COL22A1: variants seen among roughly 807,000 people sequenced by gnomAD.
COL22A1 encodes the protein collagen type XXII alpha 1 chain, also known as collagen alpha-1(XXII) chain.
A neutral mutation model predicts 248.9 loss-of-function variants in COL22A1; 221 were observed. That is an observed-to-expected ratio of 0.89 (90% CI 0.80 to 0.99). The LOEUF (loss-of-function observed/expected upper bound fraction) is 0.99. COL22A1 is among the 50% of genes least tolerant of loss of function. The pLI is 0.00. For missense variants in COL22A1, 2,240 were observed against 2,179.0 expected (o/e 1.03, Z -0.56); for synonymous variants, 891 against 793.4 (o/e 1.12, Z -2.07).
intron 3 of COL22A1, among the ~76,000 whole-genome samples, chr8:138,856,589 A>AGT (rs1239873176): frequency 7.6e-6 from 1 of 131,584 alleles, no homozygotes; most frequent in African/African-American, 3.4e-5. Context: ...AGACAGAGGC[A>AGT]GTGAGAGAGA....
chr8:138,595,798 T>C (rs573624633), intron 62 of COL22A1, among the ~76,000 whole-genome samples: 3 of 152,270 alleles, frequency 2.0e-5, no homozygotes, highest in African/African-American at 4.8e-5. Context: ...ATCATGTGAA[T>C]AAACGTGCCC....
chr8:138,776,060 T>G, intron 15 of COL22A1, 50 bp from the exon 16 acceptor site: 11 of 1,594,148 alleles, frequency 6.9e-6, no homozygotes, highest in South Asian at 1.1e-5. Flanking sequence ...CTGGCTTCTC[T>G]GTGCTCACCG....
intron 3 of COL22A1, among the ~76,000 whole-genome samples, chr8:138,867,067 A>G (rs927484513): frequency 6.6e-6 from 1 of 152,202 alleles, no homozygotes; most frequent in African/African-American, 2.4e-5. Context: ...AAACTCCTGT[A>G]AAGGGCCCGA....
rs371733795 is a variant in COL22A1 at position 138,821,402 on chromosome 8, G to A, written c.979C>T (p.Arg327Trp). 42 of 1,612,184 alleles carry A rather than the reference G, an allele frequency of 2.6e-5. No homozygotes were observed. The highest frequency in any genetic ancestry group is 7.7e-5 in the South Asian group (7 of 91,014). The change falls in exon 7 of 65, where the codon CGG (arginine) becomes TGG (tryptophan). Residue 327 changes from arginine (R) to tryptophan (W), a missense_variant. By Grantham distance (101) the Arg-to-Trp change is moderately radical. Coordinates refer to ENST00000303045, the MANE Select transcript of COL22A1 (RefSeq NM_152888.3). ...DQYSIPQVSI[R>W]LDGENKAVEY... Reference sequence around the variant, plus strand: ...ACTGCCTTGTTTTCACCATCCAGCCGGATGGAGACCTGGGGAGGAAAGGAC... The same window carrying A: ...ACTGCCTTGTTTTCACCATCCAGCCAGATGGAGACCTGGGGAGGAAAGGAC...
At chr8:138,769,221 A>C (rs1834157671) in intron 16 of COL22A1, among the ~76,000 whole-genome samples, 1 of 152,132 alleles carries the variant, frequency 6.6e-6, no homozygotes, top group Admixed American at 6.5e-5. Context: ...TGCTCATGAC[A>C]TGAATGGATG....
At chr8:138,661,916 A>T in intron 43 of COL22A1, 114 bp downstream of exon 43, 1 of 654,750 alleles carries the variant, frequency 1.5e-6, no homozygotes, top group Non-Finnish European at 2.6e-6. Context: ...GAAATCCTCA[A>T]CCGGGCTACA....
intron 49 of COL22A1, among the ~76,000 whole-genome samples, chr8:138,633,267 T>C (rs1820877025): frequency 6.6e-6 from 1 of 152,238 alleles, no homozygotes; most frequent in Non-Finnish European, 1.5e-5. Flanking sequence ...AAATAGAAGC[T>C]CAATAAACAT....
chr8:138,616,927 G>A lies in COL22A1; in HGVS notation c.3857C>T (p.Ala1286Val), dbSNP rs775008648. 7 of 1,614,070 alleles carry A rather than the reference G, an allele frequency of 4.3e-6. No homozygotes were observed. Among genetic ancestry groups the A allele is most frequent in the Middle Eastern group, 1.7e-4 (1 of 6,034 alleles). The change falls in exon 54 of 65, where the codon GCA (alanine) becomes GTA (valine). Residue 1286 changes from alanine to valine, a missense_variant. Transcript: ENST00000303045. Reference sequence around the variant, plus strand: ...GCGCCCACTTACCCGGGGACCGGGTGCACCAGAATCGCCTGTGTGTCCCTT... The same window carrying A: ...GCGCCCACTTACCCGGGGACCGGGTACACCAGAATCGCCTGTGTGTCCCTT... ...GFKGHTGDSG[A>V]PGPRGESGAM...
chr8:138,746,120 A>C (rs1832085071), intron 22 of COL22A1, among the ~76,000 whole-genome samples: 1 of 152,208 alleles, frequency 6.6e-6, no homozygotes, highest in African/African-American at 2.4e-5. Context: ...GCTTTGTCCA[A>C]AATGAATGCA....
rs371157411 is a variant in COL22A1 at position 138,800,841 on chromosome 8, C to T, written c.1557+2031G>A. Among the ~76,000 whole-genome samples, 16 of 152,114 alleles carry T rather than the reference C, an allele frequency of 1.1e-4. 1 individual carries two copies. The East Asian group carries it at 1.4e-3, about 13-fold the overall frequency. On this transcript the variant is annotated intron_variant, in intron 11 of 64. Coordinates refer to ENST00000303045, the MANE Select transcript of COL22A1 (RefSeq NM_152888.3). ...CACGTGTCCTAAAGTGGGTCTTGTCCCAGACATGGAGGAGAGGAATGGACC... is the reference window on the plus strand; with the variant it reads ...CACGTGTCCTAAAGTGGGTCTTGTCTCAGACATGGAGGAGAGGAATGGACC...
chr8:138,781,449 C>G (rs111827303), intron 12 of COL22A1, among the ~76,000 whole-genome samples: 3 of 152,336 alleles, frequency 2.0e-5, no homozygotes, highest in African/African-American at 4.8e-5. Context: ...CCAGCAGCAC[C>G]CTCCAGGGGT....
chr8:138,852,572 T>C (rs1376643694), intron 3 of COL22A1, among the ~76,000 whole-genome samples: 1 of 152,104 alleles, frequency 6.6e-6, no homozygotes, highest in Non-Finnish European at 1.5e-5. Flanking sequence ...GGCTTTCCAT[T>C]TGGAAGTTGC....
intron 27 of COL22A1, among the ~76,000 whole-genome samples, chr8:138,717,415 G>A (rs1264717623): frequency 6.6e-6 from 1 of 152,110 alleles, no homozygotes; most frequent in African/African-American, 2.4e-5. Context: ...CCAAAGTGCT[G>A]GGATTACAGG....
chr8:138,887,820 A>C (rs1252077808), intron 1 of COL22A1, among the ~76,000 whole-genome samples: 1 of 152,182 alleles, frequency 6.6e-6, no homozygotes, highest in Non-Finnish European at 1.5e-5. Context: ...GCTTTCTGAA[A>C]ATATTGTACC....
intron 56 of COL22A1, among the ~76,000 whole-genome samples, chr8:138,611,100 G>T (rs1399637497): frequency 6.6e-6 from 1 of 152,146 alleles, no homozygotes; most frequent in Non-Finnish European, 1.5e-5. Context: ...CCTCTTCTGT[G>T]CCTTTGAATG....
At chr8:138,705,867 G>A (rs1251661268) in intron 30 of COL22A1, among the ~76,000 whole-genome samples, 1 of 152,150 alleles carries the variant, frequency 6.6e-6, no homozygotes, top group Non-Finnish European at 1.5e-5. Context: ...ACCCATCAGT[G>A]TGCTGTATTC....
chr8:138,616,157 G>T, intron 54 of COL22A1, 103 bp from the exon 55 acceptor site: 1 of 956,540 alleles, frequency 1.0e-6, no homozygotes. Flanking sequence ...AGAGGCCCAG[G>T]GGCCCTGTCA....
At chr8:138,793,802 G>A (rs1431909615) in intron 12 of COL22A1, among the ~76,000 whole-genome samples, 1 of 152,218 alleles carries the variant, frequency 6.6e-6, no homozygotes, top group Non-Finnish European at 1.5e-5. Flanking sequence ...GAGCCAATGA[G>A]GCAGAGATGT....
intron 47 of COL22A1, among the ~76,000 whole-genome samples, chr8:138,640,667 A>C (rs1346420073): frequency 1.3e-5 from 2 of 152,178 alleles, no homozygotes; most frequent in African/African-American, 4.8e-5. Context: ...TTGTTAACTC[A>C]AATGAAGCAA....
Sources: gnomAD v4.1 joint callset for allele counts (sites outside exome capture counted in the v4.1 genomes callset) on GRCh38, gnomAD v4.1.1 for gene constraint, MANE v1.5 for transcripts, NCBI Gene and HGNC (gene_info 2026-07-23, HGNC 2026-07-21) for gene names.